The following CALN1 variants were observed in gnomAD, a reference collection of about 807,000 sequenced individuals.
The protein encoded by CALN1 is calcium-binding protein 8.
A neutral mutation model predicts 30.6 loss-of-function variants in CALN1; 17 were observed. That is an observed-to-expected ratio of 0.56 (90% CI 0.38 to 0.83). CALN1 has a LOEUF of 0.83. Among genes scored for constraint, CALN1 ranks in the 40% least tolerant of loss-of-function variants. CALN1 has a pLI of 0.00. For missense variants in CALN1, 291 were observed against 354.9 expected (o/e 0.82, Z 1.45); for synonymous variants, 156 against 131.4 (o/e 1.19, Z -1.28).
chr7:72,353,106 T>C (rs1200869997), intron 2 of CALN1, among the ~76,000 whole-genome samples: 2 of 152,218 alleles, frequency 1.3e-5, no homozygotes, highest in African/African-American at 2.4e-5. Flanking sequence ...TAACCTCCTA[T>C]GCCCTCAAAA....
intron 5 of CALN1, among the ~76,000 whole-genome samples, chr7:71,968,677 G>A (rs1584635517): frequency 1.3e-5 from 2 of 151,708 alleles, no homozygotes; most frequent in East Asian, 2.0e-4. Flanking sequence ...CCACCGTGCC[G>A]GGACCCGGGG....
chr7:72,034,905 A>G (rs1170158840), intron 4 of CALN1, among the ~76,000 whole-genome samples: 1 of 151,480 alleles, frequency 6.6e-6, no homozygotes, highest in East Asian at 1.9e-4. Flanking sequence ...GTATTTTAGT[A>G]TGCTACAATT....
chr7:72,144,627 T>C (rs1000545845), intron 3 of CALN1, among the ~76,000 whole-genome samples: 3 of 152,096 alleles, frequency 2.0e-5, no homozygotes, highest in South Asian at 2.1e-4. Context: ...ACAGACCTAA[T>C]AGATATCTAC....
At chr7:72,427,935 G>A (rs1807850101) in intron 1 of CALN1, among the ~76,000 whole-genome samples, 1 of 152,036 alleles carries the variant, frequency 6.6e-6, no homozygotes, top group Admixed American at 6.6e-5. Context: ...CCTAACCCCT[G>A]CCTCTCCAGC....
At chr7:71,954,723 C>T (rs537468873) in intron 5 of CALN1, among the ~76,000 whole-genome samples, 1 of 152,206 alleles carries the variant, frequency 6.6e-6, no homozygotes, top group South Asian at 2.1e-4. Flanking sequence ...TCAGTGACCT[C>T]CACTAGAGCT....
chr7:71,978,855 A>C (rs1467875809), intron 5 of CALN1, among the ~76,000 whole-genome samples: 1 of 152,222 alleles, frequency 6.6e-6, no homozygotes, highest in Admixed American at 6.5e-5. Context: ...GAAAAGACTT[A>C]TTGAGCAACT....
At chr7:72,423,589 A>G (rs1807688556) in intron 1 of CALN1, among the ~76,000 whole-genome samples, 1 of 152,214 alleles carries the variant, frequency 6.6e-6, no homozygotes, top group African/African-American at 2.4e-5. Flanking sequence ...CTCTAAGAAA[A>G]GGGTCTGGCA....
At chr7:72,336,565 G>A (rs955333904) in intron 2 of CALN1, 10 of 461,202 alleles carry the variant, frequency 2.2e-5, no homozygotes, top group Middle Eastern at 1.1e-3. Flanking sequence ...GGCGCTGTCT[G>A]CCAACCATCT....
In CALN1 at chr7:72,288,103, G is replaced by A. The variant is rs541721908; in HGVS notation, c.120-9293C>T. The stretch of plus-strand genomic sequence containing the variant: ...TTAAGCTGGGTGGTTCTGGCTCAAG[G>A]AGTCTCCTCTGATTGCGGTCAAGAC... On this transcript the variant is annotated intron_variant, in intron 2 of 6. Transcript: ENST00000395275. Among the ~76,000 whole-genome samples, 10 of 152,192 alleles carry A rather than the reference G, an allele frequency of 6.6e-5. No individual in the cohort carries two copies. In the South Asian group the frequency reaches 1.0e-3, roughly 16 times the overall value.
rs1786672365 is a variant in CALN1 at position 72,145,852 on chromosome 7, CA to C, written c.245-39559del. On this transcript the variant is annotated intron_variant, in intron 3 of 6. Coordinates refer to ENST00000395275, the MANE Select transcript of CALN1 (RefSeq NM_031468.4). ...CAATAAATGTAATCCAGCATATAAA[CA>C]GAATCAAGGACAAAAACCACATGAT... 5.9e-5 allele frequency among the ~76,000 whole-genome samples: 9 copies of C among 152,288 alleles called. No individual in the cohort carries two copies. In the South Asian group the frequency reaches 1.9e-3, roughly 32 times the overall value.
intron 4 of CALN1, 73 bp from the exon 5 acceptor site, chr7:72,023,842 C>A: frequency 2.0e-6 from 2 of 1,021,852 alleles, no homozygotes; most frequent in Non-Finnish European, 3.0e-6. Flanking sequence ...GCAATAAACA[C>A]CTCTACGCTT....
chr7:72,305,469 C>T lies in CALN1; in HGVS notation c.120-26659G>A, dbSNP rs139552249. On this transcript the variant is annotated intron_variant, in intron 2 of 6. Transcript: ENST00000395275. The stretch of plus-strand genomic sequence containing the variant: ...TATGTAACTTCCTTCAAGATCCCCA[C>T]GTAAAGTGGTCCTGCTAAGTCCACC... 5.3e-5 allele frequency among the ~76,000 whole-genome samples: 8 copies of T among 152,296 alleles called. No homozygotes were observed. The East Asian group carries it at 5.8e-4, about 11-fold the overall frequency.
At chr7:72,448,726 C>T (rs1473793339), upstream of CALN1, among the ~76,000 whole-genome samples, 1 of 151,992 alleles carries the variant, frequency 6.6e-6, no homozygotes, top group African/African-American at 2.4e-5. Context: ...CTGCCTCGGC[C>T]TCCCGAGTAG....
chr7:72,212,154 C>A (rs1250438370), intron 3 of CALN1, among the ~76,000 whole-genome samples: 1 of 152,004 alleles, frequency 6.6e-6, no homozygotes, highest in East Asian at 1.9e-4. Flanking sequence ...AGATGGAGAC[C>A]ATCCTGGCTA....
chr7:71,794,501 T>G (rs1786774107), intron 6 of CALN1, among the ~76,000 whole-genome samples: 1 of 152,218 alleles, frequency 6.6e-6, no homozygotes, highest in South Asian at 2.1e-4. Flanking sequence ...TAATTGCCAC[T>G]TAGAAGCCCC....
chr7:72,454,464 T>A, the CALN1 span, among the ~76,000 whole-genome samples: 1 of 152,138 alleles, frequency 6.6e-6, no homozygotes, highest in Non-Finnish European at 1.5e-5. Flanking sequence ...ATCAATAAAG[T>A]GACCAGTTTT....
chr7:72,409,245 C>T (rs1806936299), intron 1 of CALN1, among the ~76,000 whole-genome samples: 1 of 151,918 alleles, frequency 6.6e-6, no homozygotes, highest in Non-Finnish European at 1.5e-5. Context: ...CTACCCGCCT[C>T]GGCCTCCCAA....
intron 3 of CALN1, among the ~76,000 whole-genome samples, chr7:72,257,086 A>G (rs997807136): frequency 6.6e-6 from 1 of 152,210 alleles, no homozygotes; most frequent in Non-Finnish European, 1.5e-5. Flanking sequence ...ACTTACAATC[A>G]TGGCAGAAAG....
At chr7:72,084,484 A>G (rs1454534211) in intron 4 of CALN1, among the ~76,000 whole-genome samples, 3 of 150,598 alleles carry the variant, frequency 2.0e-5, no homozygotes, top group Non-Finnish European at 4.4e-5. Flanking sequence ...TCGGCCTCCC[A>G]AGTAGCTGGG....
Sources: allele counts gnomAD v4.1 joint callset (sites outside exome capture counted in the v4.1 genomes callset), GRCh38; gene constraint gnomAD v4.1.1; transcripts MANE v1.5; gene names NCBI Gene and HGNC (gene_info 2026-07-23, HGNC 2026-07-21).